MAD1L1: variants seen among roughly 807,000 people sequenced by gnomAD.
MAD1L1 encodes the protein mitotic spindle assembly checkpoint protein MAD1.
Under a neutral mutation model 96.9 loss-of-function variants are expected in MAD1L1, and 95 were observed. The observed-to-expected ratio is 0.98, with a 90% CI of 0.83 to 1.16. The LOEUF (loss-of-function observed/expected upper bound fraction) is 1.16. Ranked by LOEUF, MAD1L1 falls within the 50% of genes most tolerant of loss-of-function variation. MAD1L1 has a pLI of 0.00. For synonymous variants in MAD1L1, 473 were observed against 396.6 expected, an observed-to-expected ratio of 1.19 and a Z score of -2.29; for missense variants, 1,007 against 954.4, an observed-to-expected ratio of 1.06 and a Z score of -0.73.
chr7:1,904,061 C>A lies in MAD1L1; in HGVS notation c.1808-5671G>T, dbSNP rs181053594. 1.4e-3 allele frequency among the ~76,000 whole-genome samples: 175 copies of A among 123,774 alleles called. 20 individuals are homozygous for A. Among genetic ancestry groups the A allele is most frequent in the Non-Finnish European group, 2.7e-3 (147 of 55,200 alleles). The allele number at this position is 123,774 out of a possible 152,430, so 81.2% of individuals were successfully genotyped here. A position where few individuals can be genotyped will look rare whatever the true frequency, so the allele number is the denominator to read the frequency against. The stretch of plus-strand genomic sequence containing the variant: ...ACTCATGATTGATGAAGCACTGTTC[C>A]AGGCAGCGAGGATGCAGTGGCCTAC... On this transcript the variant is annotated intron_variant, in intron 17 of 18. Coordinates refer to ENST00000265854, the MANE Select transcript of MAD1L1 (RefSeq NM_001013836.2).
At chr7:1,970,474 C>T (rs1172466391) in intron 15 of MAD1L1, among the ~76,000 whole-genome samples, 2 of 151,640 alleles carry the variant, frequency 1.3e-5, no homozygotes, top group East Asian at 3.9e-4. Flanking sequence ...GCTGGAATTA[C>T]AGGCACGCGC....
rs879074765 is a variant in MAD1L1, at chr7:1,888,443, CAT to C, written c.1998+9755_1998+9756del. On this transcript the variant is annotated intron_variant, in intron 18 of 18. Transcript: ENST00000265854. ...GTGAGCATGCATGTGGCTGCCTGTA[CAT>C]GTGTGTGCACGCATGTATGTGGCTG... Among the ~76,000 whole-genome samples the C allele has an allele frequency of 5.4e-5, 7 of 130,684 alleles. No individual in the cohort carries two copies. The South Asian group carries it at 7.1e-4, about 13-fold the overall frequency. The allele number at this position is 130,684 out of a possible 152,430, so 85.7% of individuals were successfully genotyped here.
chr7:2,123,662 C>T (rs928125521), intron 11 of MAD1L1, among the ~76,000 whole-genome samples: 3 of 152,176 alleles, frequency 2.0e-5, no homozygotes, highest in Non-Finnish European at 2.9e-5. Context: ...CGGGGACATG[C>T]GATACCAGGA....
intron 15 of MAD1L1, among the ~76,000 whole-genome samples, chr7:1,979,055 T>G (rs1194114120): frequency 6.6e-6 from 1 of 152,184 alleles, no homozygotes; most frequent in East Asian, 1.9e-4. Flanking sequence ...GGGGCCACAC[T>G]AAAGGCAGCC....
In MAD1L1 at chr7:1,835,767, G is replaced by A. The variant is rs553426848; in HGVS notation, c.1999-19539C>T. Among the ~76,000 whole-genome samples, 3 of 152,266 alleles carry A rather than the reference G, an allele frequency of 2.0e-5. No homozygotes were observed. The South Asian group carries it at 6.2e-4, about 32-fold the overall frequency. On this transcript the variant is annotated intron_variant, in intron 18 of 18. Transcript: ENST00000265854. Reference sequence around the variant, plus strand: ...TACTCCATAGGCAGAGCAGTGACGTGGGCTGCTCGACTAACACTTATACTG... The same window carrying A: ...TACTCCATAGGCAGAGCAGTGACGTAGGCTGCTCGACTAACACTTATACTG...
intron 11 of MAD1L1, chr7:2,079,962 G>A: frequency 2.8e-6 from 1 of 351,250 alleles, no homozygotes; most frequent in Non-Finnish European, 5.6e-6. Context: ...AGGTGTCCTG[G>A]ACACATCTAC....
intron 18 of MAD1L1, 55 bp downstream of exon 18, chr7:1,898,145 C>G: frequency 6.5e-7 from 1 of 1,534,458 alleles, no homozygotes; most frequent in Non-Finnish European, 8.8e-7. Context: ...CGGATCTCCC[C>G]ACAGGAGGAG....
intron 10 of MAD1L1, among the ~76,000 whole-genome samples, chr7:2,168,706 C>T (rs1475393822): frequency 2.0e-5 from 3 of 152,270 alleles, no homozygotes. Flanking sequence ...CAGGACGATA[C>T]TCCCGCGTGG....
chr7:1,958,713 G>A lies in MAD1L1; in HGVS notation c.1506-994C>T, dbSNP rs1485511900. Among the ~76,000 whole-genome samples, 2 of 152,206 alleles carry A rather than the reference G, an allele frequency of 1.3e-5. 1 individual carries two copies. Among genetic ancestry groups the A allele is most frequent in the South Asian group, 4.1e-4 (2 of 4,828 alleles). ...AGGAAGACACGGCCTATAATGAAGA[G>A]ATTAACCAAACAACGAATACCTACC... is the stretch of plus-strand genomic sequence containing the variant. On this transcript the variant is annotated intron_variant, in intron 15 of 18. Coordinates refer to ENST00000265854, the MANE Select transcript of MAD1L1 (RefSeq NM_001013836.2).
intron 11 of MAD1L1, among the ~76,000 whole-genome samples, chr7:2,096,524 A>G (rs1786497919): frequency 6.6e-6 from 1 of 151,344 alleles, no homozygotes; most frequent in African/African-American, 2.4e-5. Context: ...GGACTCTTCT[A>G]TTTTATTCTG....
chr7:1,924,133 C>T (rs1472700376), intron 17 of MAD1L1, among the ~76,000 whole-genome samples: 1 of 152,210 alleles, frequency 6.6e-6, no homozygotes, highest in Non-Finnish European at 1.5e-5. Context: ...CTGGAATTAT[C>T]GAGTGAGATT....
At chr7:1,897,567 T>A (rs1786960582) in intron 18 of MAD1L1, among the ~76,000 whole-genome samples, 1 of 152,178 alleles carries the variant, frequency 6.6e-6, no homozygotes, top group Non-Finnish European at 1.5e-5. Context: ...TGGGGCCACC[T>A]CCACCCTGAG....
chr7:1,915,748 CCCAATGT>C (rs902930210), intron 17 of MAD1L1, among the ~76,000 whole-genome samples: 18 of 152,224 alleles, frequency 1.2e-4, no homozygotes, highest in African/African-American at 3.9e-4. Flanking sequence ...GCCAAAACGA[CCCAATGT>C]CCACACGGAG....
intron 18 of MAD1L1, among the ~76,000 whole-genome samples, chr7:1,835,297 T>G (rs1469741448): frequency 6.6e-6 from 1 of 152,206 alleles, no homozygotes; most frequent in East Asian, 1.9e-4. Flanking sequence ...TTCAGCATCA[T>G]CCTGAAGGTT....
chr7:1,825,345 T>A lies in MAD1L1; in HGVS notation c.1999-9117A>T, dbSNP rs554400478. Reference sequence around the variant, plus strand: ...GCTGCCCACCCACCTGCCCCAGATGTCCTGGGCCTGGGGTGCCAGGCTGGC... The same window carrying A: ...GCTGCCCACCCACCTGCCCCAGATGACCTGGGCCTGGGGTGCCAGGCTGGC... On this transcript the variant is annotated intron_variant, in intron 18 of 18. Transcript: ENST00000265854. Among the ~76,000 whole-genome samples the A allele has an allele frequency of 3.3e-5, 5 of 152,304 alleles. No homozygotes were observed. The South Asian group carries it at 1.0e-3, about 32-fold the overall frequency.
intron 6 of MAD1L1, 49 bp downstream of exon 6, chr7:2,219,283 G>GT (rs1793458444): frequency 1.3e-6 from 2 of 1,497,788 alleles, no homozygotes; most frequent in Non-Finnish European, 1.8e-6. Flanking sequence ...TGGGACGCAT[G>GT]CCCCCACACG....
intron 10 of MAD1L1, among the ~76,000 whole-genome samples, chr7:2,178,888 CAAAA>C (rs1192952349): frequency 1.1e-5 from 1 of 88,112 alleles, no homozygotes; most frequent in African/African-American, 3.9e-5. Flanking sequence ...CACAGAGTCT[CAAAA>C]AAAAAAAAAA....
chr7:2,066,912 C>T (rs1047183586), intron 12 of MAD1L1, among the ~76,000 whole-genome samples: 3 of 152,222 alleles, frequency 2.0e-5, no homozygotes, highest in Non-Finnish European at 2.9e-5. Flanking sequence ...AGCTTCCAAC[C>T]GCTGGCCTCA....
rs977406152 is a variant in MAD1L1, at chr7:2,142,722, G to C, written c.1073+6430C>G. 6.6e-6 allele frequency among the ~76,000 whole-genome samples: 1 copy of C among 152,226 alleles called. No homozygotes were observed. Among genetic ancestry groups the C allele is most frequent in the Admixed American group, 6.5e-5 (1 of 15,286 alleles). On this transcript the variant is annotated intron_variant, in intron 11 of 18. Transcript: ENST00000265854. This position sits in a 1 kb window ranked among gnomAD's most constrained non-coding sequence, Gnocchi z 4.7. ...CATCGAGTGGCGCCAAAGCCGAACGGACGCAACAAGGCCTCTGGCCATGTC... is the reference window on the plus strand; with the variant it reads ...CATCGAGTGGCGCCAAAGCCGAACGCACGCAACAAGGCCTCTGGCCATGTC...
Sources: allele counts gnomAD v4.1 joint callset (sites outside exome capture counted in the v4.1 genomes callset), GRCh38; gene constraint gnomAD v4.1.1; non-coding constraint Gnocchi (gnomAD v3.1); transcripts MANE v1.5; gene names NCBI Gene and HGNC (gene_info 2026-07-23, HGNC 2026-07-21).